The following CERK variants were observed in gnomAD, a reference collection of about 807,000 sequenced individuals.
The protein encoded by CERK is acylsphingosine kinase.
A neutral mutation model predicts 63.4 loss-of-function variants in CERK; 39 were observed. That is an observed-to-expected ratio of 0.61 (90% CI 0.48 to 0.80). The LOEUF (loss-of-function observed/expected upper bound fraction) is 0.80, where lower values mean the gene tolerates loss of function less well. CERK is among the 30% of genes least tolerant of loss of function. The probability of loss-of-function intolerance (pLI) is 0.00; values close to 1 mark genes in which losing one functional copy is unlikely to be tolerated. For missense variants in CERK, 670 were observed against 714.1 expected, an observed-to-expected ratio of 0.94 and a Z score of 0.70; for synonymous variants, 302 against 280.0, an observed-to-expected ratio of 1.08 and a Z score of -0.78.
chr22:46,732,695 A>G (rs2082951233), intron 1 of CERK, among the ~76,000 whole-genome samples: 1 of 152,028 alleles, frequency 6.6e-6, no homozygotes, highest in Non-Finnish European at 1.5e-5. Context: ...AAGCGTCCTG[A>G]AACTTCCCCA....
intron 5 of CERK, among the ~76,000 whole-genome samples, chr22:46,710,113 A>G (rs975915448): frequency 2.0e-5 from 3 of 152,240 alleles, no homozygotes; most frequent in African/African-American, 7.2e-5. Flanking sequence ...TGACAAAGAC[A>G]GTAAATAATA....
At chr22:46,719,835 G>A (rs547207451) in intron 3 of CERK, among the ~76,000 whole-genome samples, 173 of 152,330 alleles carry the variant, frequency 1.1e-3, no homozygotes, top group African/African-American at 4.1e-3. Context: ...AAGGGTAAGT[G>A]ACCCGCCCCC....
At chr22:46,700,180 G>A (rs2082776589) in intron 7 of CERK, among the ~76,000 whole-genome samples, 1 of 152,114 alleles carries the variant, frequency 6.6e-6, no homozygotes, top group African/African-American at 2.4e-5. Flanking sequence ...GATCACCTGA[G>A]GTCAGGAGTT....
At chr22:46,709,551 TC>T (rs1202278419) in intron 5 of CERK, among the ~76,000 whole-genome samples, 6 of 152,144 alleles carry the variant, frequency 3.9e-5, no homozygotes, top group Non-Finnish European at 8.8e-5. Flanking sequence ...TCCTTTTATT[TC>T]CCTTTCTAAC....
At chr22:46,689,635 C>A (rs2082720090) in intron 12 of CERK, among the ~76,000 whole-genome samples, 1 of 151,982 alleles carries the variant, frequency 6.6e-6, no homozygotes. Context: ...CAGCCTCCCA[C>A]CTTTTGAATT....
intron 3 of CERK, among the ~76,000 whole-genome samples, chr22:46,719,243 G>A (rs2082880781): frequency 6.6e-6 from 1 of 151,942 alleles, no homozygotes; most frequent in Non-Finnish European, 1.5e-5. Context: ...TATAGGTAAA[G>A]TGCGTGTCAT....
In CERK at chr22:46,691,686, G is replaced by A; in HGVS notation, c.1218C>T (p.Gly406=). The change falls in exon 11 of 13, where the codon GGC becomes GGT. Residue 406 remains glycine (G), a synonymous_variant. Transcript: ENST00000216264. ...MSCACRRSPR[G]LSPAAHLGDG... Reference sequence around the variant, plus strand: ...CTCCCAAGTGGGCAGCCGGGGAGAGGCCCCTGGGGCTCCGGCGACAAGCAC... The same window carrying A: ...CTCCCAAGTGGGCAGCCGGGGAGAGACCCCTGGGGCTCCGGCGACAAGCAC... 1 of 1,613,962 alleles carries A rather than the reference G, an allele frequency of 6.2e-7. No homozygotes were observed. Among genetic ancestry groups the A allele is most frequent in the South Asian group, 1.1e-5 (1 of 91,082 alleles).
intron 1 of CERK, among the ~76,000 whole-genome samples, chr22:46,728,198 G>A (rs1372534066): frequency 7.2e-5 from 11 of 152,046 alleles, no homozygotes; most frequent in Non-Finnish European, 1.2e-4. Context: ...GTCAGGTCGC[G>A]GGAAACCTGC....
chr22:46,693,941 CT>C (rs2082743684), intron 9 of CERK: 1 of 185,400 alleles, frequency 5.4e-6, no homozygotes. Context: ...CAGCTTAGAA[CT>C]TAGTCATTCG....
intron 1 of CERK, among the ~76,000 whole-genome samples, chr22:46,737,491 G>T (rs1569333454): frequency 6.6e-6 from 1 of 152,174 alleles, no homozygotes; most frequent in African/African-American, 2.4e-5. Flanking sequence ...CCCGAGCAGG[G>T]AGCACACCCC....
chr22:46,713,676 T>TA (rs138757973), intron 3 of CERK, among the ~76,000 whole-genome samples: 4,843 of 152,078 alleles, frequency 0.032, 245 homozygotes, highest in African/African-American at 0.11. Flanking sequence ...AGTCATGAAA[T>TA]AAGCAAACTA....
chr22:46,688,740 C>T (rs1184431050), intron 12 of CERK, among the ~76,000 whole-genome samples: 1 of 152,252 alleles, frequency 6.6e-6, no homozygotes, highest in Admixed American at 6.5e-5. Context: ...TGCAGACAGG[C>T]GTGGGCCTGC....
intron 11 of CERK, among the ~76,000 whole-genome samples, chr22:46,690,827 T>C (rs943667782): frequency 3.9e-5 from 6 of 152,182 alleles, no homozygotes; most frequent in Non-Finnish European, 2.9e-5. Context: ...CAAGGGCCAC[T>C]TACATCTTTA....
chr22:46,711,917 G>A (rs1441033554), intron 4 of CERK, among the ~76,000 whole-genome samples: 6 of 152,162 alleles, frequency 3.9e-5, no homozygotes, highest in Admixed American at 2.6e-4. Flanking sequence ...GTGAAACCCC[G>A]CCTATACAAA....
intron 5 of CERK, 99 bp from the exon 6 acceptor site, chr22:46,708,087 C>G: frequency 7.3e-7 from 1 of 1,365,632 alleles, no homozygotes; most frequent in Non-Finnish European, 9.8e-7. Flanking sequence ...GCCTGCACAC[C>G]TGGCCCTTGG....
At chr22:46,709,393 G>A (rs919981499) in intron 5 of CERK, among the ~76,000 whole-genome samples, 3 of 152,170 alleles carry the variant, frequency 2.0e-5, no homozygotes, top group African/African-American at 7.2e-5. Context: ...GGAGGTGGTG[G>A]GAAGAAGTAC....
intron 1 of CERK, among the ~76,000 whole-genome samples, chr22:46,733,871 G>A (rs2082958543): frequency 6.6e-6 from 1 of 151,450 alleles, no homozygotes; most frequent in Non-Finnish European, 1.5e-5. Flanking sequence ...GTGAAACCCT[G>A]TCTCTACTAA....
chr22:46,728,528 C>A (rs890772165), intron 1 of CERK, among the ~76,000 whole-genome samples: 3 of 152,202 alleles, frequency 2.0e-5, no homozygotes, highest in African/African-American at 7.2e-5. Flanking sequence ...CTATGAGGAT[C>A]CCATTGGGTG....
At chr22:46,719,079 C>T (rs2082879663) in intron 3 of CERK, among the ~76,000 whole-genome samples, 1 of 151,828 alleles carries the variant, frequency 6.6e-6, no homozygotes, top group Admixed American at 6.6e-5. Flanking sequence ...AAAAAAATTG[C>T]CTATTAAGGT....
Sources: allele counts gnomAD v4.1 joint callset (sites outside exome capture counted in the v4.1 genomes callset), GRCh38; gene constraint gnomAD v4.1.1; transcripts MANE v1.5; gene names NCBI Gene and HGNC (gene_info 2026-07-23, HGNC 2026-07-21).